The following ING3 variants were observed in gnomAD, a reference collection of about 807,000 sequenced individuals.
ING3 encodes the protein inhibitor of growth family member 3.
Under a neutral mutation model 64.8 loss-of-function variants are expected in ING3, and 6 were observed. The observed-to-expected ratio is 0.09, with a 90% CI of 0.05 to 0.18. The LOEUF (loss-of-function observed/expected upper bound fraction) is 0.18, where lower values mean the gene tolerates loss of function less well. Ranked by LOEUF, ING3 falls within the 10% of genes least tolerant of loss-of-function variation. The pLI, the probability that ING3 is intolerant of heterozygous loss-of-function variation, is 1.00. For synonymous variants in ING3, 170 were observed against 173.7 expected (o/e 0.98, Z 0.17); for missense variants, 310 against 489.7 (o/e 0.63, Z 3.46).
intron 11 of ING3, among the ~76,000 whole-genome samples, chr7:120,974,282 C>T (rs1215975711): frequency 6.6e-6 from 1 of 152,024 alleles, no homozygotes; most frequent in African/African-American, 2.4e-5. Context: ...ATAGAAACAC[C>T]CACGTAGGAA....
chr7:120,954,062 G>A (rs924528250), intron 3 of ING3, among the ~76,000 whole-genome samples: 1 of 152,160 alleles, frequency 6.6e-6, no homozygotes, highest in Non-Finnish European at 1.5e-5. Flanking sequence ...ATTTAGCTGT[G>A]TGACATTAAA....
In ING3 at chr7:120,951,247, C is replaced by G. The variant is rs113378963; in HGVS notation, c.100+12C>G. ...CCTGCAGGTGCAGAGTAAGTCGGCG[C>G]GTCTACTACTCCTGTTCGCTGCGCG... is the stretch of plus-strand genomic sequence containing the variant. On this transcript the variant is annotated intron_variant, in intron 2 of 11. Coordinates refer to ENST00000315870, the MANE Select transcript of ING3 (RefSeq NM_019071.3). 1.9e-6 allele frequency: 3 copies of G among 1,613,580 alleles called. No individual in the cohort carries two copies. The highest frequency in any genetic ancestry group is 2.5e-6 in the Non-Finnish European group (3 of 1,179,520).
chr7:120,956,994 T>C, intron 4 of ING3: 2 of 356,790 alleles, frequency 5.6e-6, no homozygotes, highest in Non-Finnish European at 7.8e-6. Flanking sequence ...GTGTGTGTAT[T>C]CATCTCTTAT....
chr7:120,956,621 T>A, intron 4 of ING3: 1 of 988,122 alleles, frequency 1.0e-6, no homozygotes, highest in Non-Finnish European at 1.2e-6. Context: ...CTGAAAAAAA[T>A]TTCATAAAAG....
intron 4 of ING3, 122 bp from the exon 5 acceptor site, chr7:120,964,620 G>A: frequency 1.5e-6 from 1 of 671,644 alleles, no homozygotes; most frequent in Non-Finnish European, 2.6e-6. Context: ...TAGATTAATT[G>A]ACTTGCTCAA....
intron 9 of ING3, among the ~76,000 whole-genome samples, chr7:120,969,443 G>A (rs1320038040): frequency 6.6e-6 from 1 of 151,884 alleles, no homozygotes; most frequent in East Asian, 1.9e-4. Context: ...GTTAATACAT[G>A]ACTTCTTTTT....
intron 6 of ING3, 27 bp from the exon 7 acceptor site, chr7:120,967,502 A>T (rs1796011646): frequency 6.8e-7 from 1 of 1,472,090 alleles, no homozygotes. Context: ...AAGTTTAAAA[A>T]CACATGAATT....
chr7:120,962,577 AAAAG>A (rs1350982150), intron 4 of ING3, among the ~76,000 whole-genome samples: 1 of 152,002 alleles, frequency 6.6e-6, no homozygotes, highest in Non-Finnish European at 1.5e-5. Flanking sequence ...TATGGTATGA[AAAAG>A]AAAGGTCTTT....
At chr7:120,955,647 C>T in intron 4 of ING3, 23 bp downstream of exon 4, 3 of 1,485,778 alleles carry the variant, frequency 2.0e-6, no homozygotes, top group Non-Finnish European at 2.8e-6. Flanking sequence ...AATGTGCATA[C>T]TGTGCCATAA....
chr7:120,971,107 G>GTATAC, intron 10 of ING3, among the ~76,000 whole-genome samples: 1 of 152,084 alleles, frequency 6.6e-6, no homozygotes. Flanking sequence ...AACATTTTTG[G>GTATAC]TATACCACTA....
At position 120,974,905 on chromosome 7, in the gene ING3, AAAAAG is replaced by A. The variant is rs1188793162; in HGVS notation, c.*64_*68del. The A allele has an allele frequency of 1.7e-6, 2 of 1,160,860 alleles. No individual in the cohort carries two copies. Among genetic ancestry groups the A allele is most frequent in the African/African-American group, 3.1e-5 (2 of 64,392 alleles). The allele number at this position is 1,160,860 out of a possible 1,614,324, so 71.9% of individuals were successfully genotyped here. A position where few individuals can be genotyped will look rare whatever the true frequency, so the allele number is the denominator to read the frequency against. ...AGCTGAAGATTTTATATAGGACTTT[AAAAAG>A]AAGAGAAGAGAAAGAAGAAACAATG... On this transcript the variant is annotated 3_prime_UTR_variant, in exon 12 of 12. Transcript: ENST00000315870.
chr7:120,968,980 T>C (rs1584994310), intron 8 of ING3, 31 bp from the exon 9 acceptor site: 3 of 1,370,368 alleles, frequency 2.2e-6, no homozygotes, highest in Non-Finnish European at 3.1e-6. Flanking sequence ...TATTTACATA[T>C]ATTGATGCTA....
intron 5 of ING3, among the ~76,000 whole-genome samples, chr7:120,965,781 T>G (rs2116678049): frequency 6.6e-6 from 1 of 152,300 alleles, no homozygotes; most frequent in African/African-American, 2.4e-5. Context: ...AGTAGATCCA[T>G]CACTTTAGAT....
intron 2 of ING3, among the ~76,000 whole-genome samples, chr7:120,952,671 A>G (rs954837116): frequency 3.3e-5 from 5 of 152,100 alleles, no homozygotes; most frequent in Admixed American, 6.5e-5. Context: ...TTAAAAGGCT[A>G]TTGTGGACTG....
chr7:120,951,299 C>A, intron 2 of ING3, 64 bp downstream of exon 2: 1 of 1,459,232 alleles, frequency 6.9e-7, no homozygotes, highest in Non-Finnish European at 9.6e-7. Flanking sequence ...TGCTTGTCAT[C>A]ACTGCTAGCG....
In ING3 at chr7:120,967,803, A is replaced by G; in HGVS notation, c.557-131A>G. 2 of 1,221,676 alleles carry G rather than the reference A, an allele frequency of 1.6e-6. 1 individual carries two copies. The highest frequency in any genetic ancestry group is 3.0e-5 in the South Asian group (2 of 66,244). 75.7% of individuals were successfully genotyped at this position (1,221,676 alleles called of 1,614,324 possible). Reference sequence around the variant, plus strand: ...AAAAGGAAAACCAAATACATTATTCAGTTGACTTAATGTACAAGTGACATT... The same window carrying G: ...AAAAGGAAAACCAAATACATTATTCGGTTGACTTAATGTACAAGTGACATT... On this transcript the variant is annotated intron_variant, in intron 7 of 11. Transcript: ENST00000315870.
intron 3 of ING3, 65 bp from the exon 4 acceptor site, chr7:120,955,494 A>G (rs1362940165): frequency 1.9e-6 from 2 of 1,045,084 alleles, no homozygotes; most frequent in Non-Finnish European, 2.9e-6. Context: ...ATGCAGTTGT[A>G]TGTCCTGCAT....
intron 9 of ING3, among the ~76,000 whole-genome samples, chr7:120,969,524 T>C (rs1048509404): frequency 6.6e-6 from 1 of 152,172 alleles, no homozygotes; most frequent in African/African-American, 2.4e-5. Flanking sequence ...TATTTTGCCA[T>C]GTGTTTCAAG....
rs781768391 is a variant in ING3 at position 120,955,570 on chromosome 7, A to G, written c.213A>G (p.Lys71=). ...ATGTTTTCATTCAGGACTACTATAA[A>G]GCTTTGGAAGATGCAGATGAGAAGG... ...QMASIKKDYY[K]ALEDADEKVQ... The change falls in exon 4 of 12, where the codon AAA becomes AAG. Residue 71 remains lysine (K), a synonymous_variant. Coordinates refer to ENST00000315870, the MANE Select transcript of ING3 (RefSeq NM_019071.3). 1.2e-6 allele frequency: 2 copies of G among 1,609,334 alleles called. No individual in the cohort carries two copies. Among genetic ancestry groups the G allele is most frequent in the East Asian group, 2.2e-5 (1 of 44,810 alleles).
Sources: allele counts gnomAD v4.1 joint callset (sites outside exome capture counted in the v4.1 genomes callset), GRCh38; gene constraint gnomAD v4.1.1; transcripts MANE v1.5; gene names NCBI Gene and HGNC (gene_info 2026-07-23, HGNC 2026-07-21).